Variants in HS2ST1 observed in about 807,000 individuals in gnomAD.
The protein encoded by HS2ST1 is heparan sulfate 2-O-sulfotransferase 1.
In HS2ST1, 18 loss-of-function variants were observed where a neutral mutation model predicts 42.9. The ratio of observed to expected loss-of-function variants is 0.42; its 90% CI spans 0.29 to 0.62. The LOEUF is 0.62. Ranked by LOEUF, HS2ST1 falls within the 20% of genes least tolerant of loss-of-function variation. The pLI is 0.21. For synonymous variants in HS2ST1, 146 were observed against 152.9 expected, an observed-to-expected ratio of 0.95 and a Z score of 0.33; for missense variants, 334 against 433.8, an observed-to-expected ratio of 0.77 and a Z score of 2.04.
Position 87,105,020 on chromosome 1 carries a change from T to C in HS2ST1, c.*324T>C, listed in dbSNP as rs981659768. The C allele has an allele frequency of 4.3e-6, 1 of 230,276 alleles. No individual in the cohort carries two copies. Among genetic ancestry groups the C allele is most frequent in the African/African-American group, 2.3e-5 (1 of 43,686 alleles). The allele number at this position is 230,276 out of a possible 1,614,324, so 14.3% of individuals were successfully genotyped here. A position where few individuals can be genotyped will look rare whatever the true frequency, so the allele number is the denominator to read the frequency against. On this transcript the variant is annotated 3_prime_UTR_variant, in exon 7 of 7. Transcript: ENST00000370550. ...ACAATTTCAGAAAAGGTTCTGATACTCTTGTTTTTGATAAAGCATTTTTTC... is the reference window on the plus strand; with the variant it reads ...ACAATTTCAGAAAAGGTTCTGATACCCTTGTTTTTGATAAAGCATTTTTTC...
chr1:86,932,481 G>A (rs992598478), intron 1 of HS2ST1: 3 of 152,048 alleles, frequency 2.0e-5, no homozygotes, highest in African/African-American at 4.8e-5. Context: ...CTTGCTGGGG[G>A]ATAAAAATAT....
intron 1 of HS2ST1, among the ~76,000 whole-genome samples, chr1:86,938,797 T>G (rs1484307922): frequency 6.6e-6 from 1 of 152,156 alleles, no homozygotes; most frequent in Non-Finnish European, 1.5e-5. Flanking sequence ...ATCCAACTAG[T>G]AGTGGTGTTG....
At chr1:87,059,936 A>C (rs1557531759) in intron 1 of HS2ST1, among the ~76,000 whole-genome samples, 1 of 152,208 alleles carries the variant, frequency 6.6e-6, no homozygotes, top group Non-Finnish European at 1.5e-5. Context: ...AGAAAAACTT[A>C]GGCCCTATAT....
chr1:87,097,784 G>A, intron 4 of HS2ST1, 54 bp from the exon 5 acceptor site: 1 of 1,602,150 alleles, frequency 6.2e-7, no homozygotes, highest in South Asian at 1.1e-5. Context: ...TTAGATATTT[G>A]ATAGGTGAGA....
At chr1:87,056,078 G>T (rs1650960712) in intron 1 of HS2ST1, among the ~76,000 whole-genome samples, 3 of 152,214 alleles carry the variant, frequency 2.0e-5, no homozygotes, top group South Asian at 2.1e-4. Context: ...GTTGAGAGGT[G>T]GTGGGACCTT....
chr1:87,041,116 C>T (rs547304893), intron 1 of HS2ST1, among the ~76,000 whole-genome samples: 1 of 149,382 alleles, frequency 6.7e-6, no homozygotes, highest in African/African-American at 2.5e-5. Flanking sequence ...TTGTTGTTTA[C>T]TTTTTAAAGG....
chr1:86,948,464 T>G (rs1376579910), intron 1 of HS2ST1, among the ~76,000 whole-genome samples: 1 of 152,206 alleles, frequency 6.6e-6, no homozygotes, highest in Admixed American at 6.5e-5. Context: ...GTTTGCTGTT[T>G]AAAGCATAGC....
intron 5 of HS2ST1, among the ~76,000 whole-genome samples, chr1:87,100,380 G>C (rs1267548385): frequency 6.6e-6 from 1 of 152,192 alleles, no homozygotes; most frequent in Non-Finnish European, 1.5e-5. Context: ...GAGTGGCCGG[G>C]ATGTGGGGAG....
intron 1 of HS2ST1, among the ~76,000 whole-genome samples, chr1:87,054,062 G>T (rs567252701): frequency 1.3e-5 from 2 of 152,052 alleles, no homozygotes; most frequent in South Asian, 4.2e-4. Flanking sequence ...ATTACTACCT[G>T]GATGTTCCAT....
intron 1 of HS2ST1, among the ~76,000 whole-genome samples, chr1:86,963,500 C>T (rs1005854124): frequency 2.6e-5 from 4 of 152,192 alleles, no homozygotes; most frequent in African/African-American, 4.8e-5. Context: ...CAACAGCATC[C>T]CAAGGCAGAA....
At chr1:86,969,875 C>T (rs1159892342) in intron 1 of HS2ST1, among the ~76,000 whole-genome samples, 1 of 151,848 alleles carries the variant, frequency 6.6e-6, no homozygotes, top group Non-Finnish European at 1.5e-5. Flanking sequence ...CCTGTAATCC[C>T]AGCACTTTGG....
chr1:87,055,503 T>C (rs1307601538), intron 1 of HS2ST1, among the ~76,000 whole-genome samples: 1 of 152,216 alleles, frequency 6.6e-6, no homozygotes, highest in African/African-American at 2.4e-5. Context: ...CTTCAGGCCA[T>C]TGATACTCAA....
chr1:87,071,416 AT>A (rs1651400721), intron 1 of HS2ST1, among the ~76,000 whole-genome samples: 1 of 152,206 alleles, frequency 6.6e-6, no homozygotes. Flanking sequence ...GACATGTAGT[AT>A]AAGATAGATG....
At chr1:86,936,933 TAAA>T (rs60940882) in intron 1 of HS2ST1, among the ~76,000 whole-genome samples, 5 of 98,390 alleles carry the variant, frequency 5.1e-5, no homozygotes, top group Non-Finnish European at 6.2e-5. Context: ...CCGTCTCTAC[TAAA>T]AAAAAAAAAA....
chr1:86,983,200 T>C (rs1201734096), intron 1 of HS2ST1, among the ~76,000 whole-genome samples: 1 of 152,216 alleles, frequency 6.6e-6, no homozygotes, highest in Non-Finnish European at 1.5e-5. Context: ...CACTTTCACA[T>C]GATCTCTATA....
At chr1:87,007,892 G>A (rs1431075068) in intron 1 of HS2ST1, among the ~76,000 whole-genome samples, 1 of 151,962 alleles carries the variant, frequency 6.6e-6, no homozygotes, top group African/African-American at 2.4e-5. Flanking sequence ...TCTCAACTGT[G>A]TAATCTTAGT....
intron 1 of HS2ST1, among the ~76,000 whole-genome samples, chr1:86,984,245 G>C (rs1261639411): frequency 1.3e-5 from 2 of 152,128 alleles, no homozygotes; most frequent in Non-Finnish European, 2.9e-5. Context: ...CAGTTATTAA[G>C]AGAGAAGCTG....
chr1:86,971,850 A>C (rs918376291), intron 1 of HS2ST1, among the ~76,000 whole-genome samples: 1 of 152,246 alleles, frequency 6.6e-6, no homozygotes, highest in Non-Finnish European at 1.5e-5. Flanking sequence ...AAAAAATGCA[A>C]AAGTATTCTG....
At chr1:86,963,572 C>T (rs970516248) in intron 1 of HS2ST1, among the ~76,000 whole-genome samples, 43 of 152,172 alleles carry the variant, frequency 2.8e-4, no homozygotes, top group African/African-American at 9.6e-4. Flanking sequence ...ACAGACACAG[C>T]AATAATCTGA....
Sources: allele counts gnomAD v4.1 joint callset (sites outside exome capture counted in the v4.1 genomes callset), GRCh38; gene constraint gnomAD v4.1.1; transcripts MANE v1.5; gene names NCBI Gene and HGNC (gene_info 2026-07-23, HGNC 2026-07-21).